The following MYG1 variants were observed in gnomAD, a reference collection of about 807,000 sequenced individuals.
MYG1 encodes the protein MYG1 exonuclease.
MYG1 carries 36 observed loss-of-function variants against 43.5 expected under a neutral mutation model. The observed-to-expected ratio is 0.83, with a 90% CI of 0.63 to 1.09. The LOEUF (loss-of-function observed/expected upper bound fraction) is 1.09. Ranked by LOEUF, MYG1 falls within the 50% of genes least tolerant of loss-of-function variation. The pLI is 0.00. For synonymous variants in MYG1, 220 were observed against 202.8 expected (o/e 1.08, Z -0.72); for missense variants, 529 against 495.1 (o/e 1.07, Z -0.65).
chr12:53,306,563 C>T, intron 5 of MYG1, 117 bp from the exon 6 acceptor site: 1 of 1,229,380 alleles, frequency 8.1e-7, no homozygotes. Flanking sequence ...AGGCTAGTCT[C>T]AAATTCCTGG....
Position 53,300,211 on chromosome 12 carries a change from A to G in MYG1, c.278A>G (p.Asp93Gly). Reference sequence around the variant, plus strand: ...CTCGCTTCCTGTGACATCGTGGTGGACGTGGGGGGCGAGTACGACCCTCGG... The same window carrying G: ...CTCGCTTCCTGTGACATCGTGGTGGGCGTGGGGGGCGAGTACGACCCTCGG... ...EKLASCDIVV[D>G]VGGEYDPRRH... is the part of the protein sequence containing the mutation. Residue 93 changes from aspartate (D) to glycine (G), a missense_variant, in exon 2 of 7, where the codon GAC becomes GGC. Coordinates refer to ENST00000267103, the MANE Select transcript of MYG1 (RefSeq NM_021640.4). 6.2e-7 allele frequency: 1 copy of G among 1,605,768 alleles called. No homozygotes were observed. The highest frequency in any genetic ancestry group is 8.5e-7 in the Non-Finnish European group (1 of 1,175,738).
intron 3 of MYG1, among the ~76,000 whole-genome samples, chr12:53,304,943 A>G (rs1417640824): frequency 4.9e-4 from 70 of 143,348 alleles, no homozygotes; most frequent in Admixed American, 1.2e-3. Context: ...ATCTCGGCTC[A>G]CTGCAAGCTG....
At position 53,306,780 on chromosome 12, in the gene MYG1, T is replaced by C. The variant is rs1181049320; in HGVS notation, c.866T>C (p.Ile289Thr). 1 of 1,614,004 alleles carries C rather than the reference T, an allele frequency of 6.2e-7. No individual in the cohort carries two copies. The highest frequency in any genetic ancestry group is 8.5e-7 in the Non-Finnish European group (1 of 1,180,038). Residue 289 changes from isoleucine (I) to threonine (T), a missense_variant, in exon 6 of 7, where the codon ATC (isoleucine) becomes ACC (threonine). Transcript: ENST00000267103. ...TCTGGGCTGTCCCCTCCAGTGGCCA[T>C]CTTCTTTGTTATCTACACTGACCAG... The part of the protein sequence containing the change: ...LESGLSPPVA[I>T]FFVIYTDQAG...
Position 53,303,084 on chromosome 12 carries a change from C to G in MYG1, c.380C>G (p.Thr127Ser), listed in dbSNP as rs1592507255. 6.2e-7 allele frequency: 1 copy of G among 1,613,956 alleles called. No homozygotes were observed. Among genetic ancestry groups the G allele is most frequent in the East Asian group, 2.2e-5 (1 of 44,844 alleles). The change falls in exon 3 of 7, where the codon ACC becomes AGC. Residue 127 changes from threonine to serine, a missense_variant. Thr to Ser is a moderately conservative substitution (Grantham distance 58). Coordinates refer to ENST00000267103, the MANE Select transcript of MYG1 (RefSeq NM_021640.4). ...SSLSPGKPWQ[T>S]KLSSAGLIYL... Reference sequence around the variant, plus strand: ...CTGTCCCCTGGGAAGCCGTGGCAGACCAAGCTGAGCAGTGCGGGACTCATC... The same window carrying G: ...CTGTCCCCTGGGAAGCCGTGGCAGAGCAAGCTGAGCAGTGCGGGACTCATC...
intron 2 of MYG1, among the ~76,000 whole-genome samples, chr12:53,301,806 A>G (rs1944234715): frequency 6.6e-6 from 1 of 151,692 alleles, no homozygotes; most frequent in South Asian, 2.1e-4. Context: ...CTCCTGCCTC[A>G]GCCTCCCAAG....
At chr12:53,303,542 C>G (rs1299447903) in intron 3 of MYG1, 3 of 201,322 alleles carry the variant, frequency 1.5e-5, no homozygotes, top group Non-Finnish European at 3.0e-5. Context: ...AAGCAGATGG[C>G]TCAGAGGTTC....
chr12:53,303,297 T>C, intron 3 of MYG1, 104 bp downstream of exon 3: 1 of 1,332,426 alleles, frequency 7.5e-7, no homozygotes, highest in South Asian at 1.4e-5. Flanking sequence ...TCAGGGTTCC[T>C]GGCCTATAGC....
chr12:53,306,614 G>A lies in MYG1; in HGVS notation c.766-66G>A, dbSNP rs1020782866. On this transcript the variant is annotated intron_variant, in intron 5 of 6. Transcript: ENST00000267103. ...CCACCTCAGCCTCCCAAAATGTTGT[G>A]ACTACAAACATGATCACCATGCCCA... 1.8e-5 allele frequency: 28 copies of A among 1,517,310 alleles called. No individual in the cohort carries two copies. In the Admixed American group the frequency reaches 5.2e-4, roughly 28 times the overall value. The allele number at this position is 1,517,310 out of a possible 1,614,324, so 94.0% of individuals were successfully genotyped here.
intron 3 of MYG1, among the ~76,000 whole-genome samples, chr12:53,304,954 C>T (rs939981911): frequency 4.9e-4 from 73 of 148,994 alleles, no homozygotes; most frequent in Non-Finnish European, 8.5e-4. Flanking sequence ...CTGCAAGCTG[C>T]GCCTCCCAGG....
intron 2 of MYG1, among the ~76,000 whole-genome samples, chr12:53,301,887 G>A (rs1222632649): frequency 6.6e-6 from 1 of 152,156 alleles, no homozygotes; most frequent in Non-Finnish European, 1.5e-5. Flanking sequence ...ATGTTGGCCA[G>A]TCTGGTCTTG....
At position 53,306,229 on chromosome 12, in the gene MYG1, A is replaced by C; in HGVS notation, c.674A>C (p.Gln225Pro). Residue 225 changes from glutamine (Q) to proline (P), a missense_variant, in exon 5 of 7, where the codon CAA (glutamine) becomes CCA (proline). By Grantham distance (76) the Gln-to-Pro change is moderately conservative (BLOSUM62 -1). Transcript: ENST00000267103. ...TTCAAGCGTGCAATGGATCTGGTTC[A>C]AGAGGAGTTTCTGCAGAGATTAGAT... ...AGFKRAMDLV[Q>P]EEFLQRLDFY... 6.2e-7 allele frequency: 1 copy of C among 1,614,250 alleles called. No homozygotes were observed. Among genetic ancestry groups the C allele is most frequent in the South Asian group, 1.1e-5 (1 of 91,086 alleles).
chr12:53,306,701 G>C lies in MYG1; in HGVS notation c.787G>C (p.Val263Leu). The change falls in exon 6 of 7, where the codon GTG (valine) becomes CTG (leucine). Residue 263 changes from valine to leucine, a missense_variant. Physicochemically the swap from Val to Leu is conservative, Grantham distance 32. Transcript: ENST00000267103. Reference protein sequence around the residue: ...RFQVDPSGEIVELAKGACPWK... With the variant: ...RFQVDPSGEILELAKGACPWK... ...TCAGGTGGACCCAAGTGGAGAGATT[G>C]TGGAACTGGCGAAAGGTGCATGTCC... 6.2e-7 allele frequency: 1 copy of C among 1,613,858 alleles called. No homozygotes were observed. Among genetic ancestry groups the C allele is most frequent in the East Asian group, 2.2e-5 (1 of 44,882 alleles).
intron 3 of MYG1, among the ~76,000 whole-genome samples, chr12:53,303,999 A>T (rs1165825439): frequency 6.6e-6 from 1 of 151,896 alleles, no homozygotes; most frequent in Non-Finnish European, 1.5e-5. Flanking sequence ...GCCCATCACC[A>T]TGCCCGGCTA....
At chr12:53,303,257 C>T in intron 3 of MYG1, 64 bp downstream of exon 3, 2 of 1,569,428 alleles carry the variant, frequency 1.3e-6, no homozygotes, top group Non-Finnish European at 1.7e-6. Flanking sequence ...GGGAGCAGTG[C>T]TCACACAGCA....
rs1336503995 is a variant in MYG1, at chr12:53,307,105, C to T, written c.1087C>T (p.Arg363Cys). Residue 363 changes from arginine to cysteine, a missense_variant, in exon 7 of 7, where the codon CGT becomes TGT. Transcript: ENST00000267103. ...HTREGALSMA[R>C]ATLAQRSYLP... is the part of the protein sequence containing the mutation. ...CCGAGAGGGTGCCTTGAGCATGGCC[C>T]GTGCCACCTTGGCCCAGCGCTCATA... 3.1e-6 allele frequency: 5 copies of T among 1,613,818 alleles called. No homozygotes were observed. Among genetic ancestry groups the T allele is most frequent in the Non-Finnish European group, 3.4e-6 (4 of 1,179,874 alleles).
chr12:53,300,046 G>A (rs1944213716), intron 1 of MYG1, 93 bp downstream of exon 1: 2 of 1,548,976 alleles, frequency 1.3e-6, no homozygotes, highest in Non-Finnish European at 1.8e-6. Flanking sequence ...GATAGCGCCC[G>A]GCAGCCCAAG....
chr12:53,303,121 C>T lies in MYG1; in HGVS notation c.417C>T (p.Phe139=), dbSNP rs760816026. The change falls in exon 3 of 7, where the codon TTC becomes TTT. Residue 139 remains phenylalanine, a synonymous_variant. Transcript: ENST00000267103. Reference sequence around the variant, plus strand: ...GTGCGGGACTCATCTATCTGCACTTCGGGCACAAGCTGCTGGCCCAGTTGC... The same window carrying T: ...GTGCGGGACTCATCTATCTGCACTTTGGGCACAAGCTGCTGGCCCAGTTGC... The part of the protein sequence containing the change: ...LSSAGLIYLH[F]GHKLLAQLLG... 73 of 1,614,076 alleles carry T rather than the reference C, an allele frequency of 4.5e-5. No individual in the cohort carries two copies. The highest frequency in any genetic ancestry group is 6.7e-5 in the Admixed American group (4 of 60,004).
chr12:53,300,485 TATCTC>T (rs1944220783), intron 2 of MYG1, among the ~76,000 whole-genome samples: 3 of 152,046 alleles, frequency 2.0e-5, no homozygotes, highest in African/African-American at 7.2e-5. Flanking sequence ...TCAGGCCCCT[TATCTC>T]ATCTCCTTCC....
At chr12:53,300,392 T>C in intron 2 of MYG1, 130 bp downstream of exon 2, 1 of 669,074 alleles carries the variant, frequency 1.5e-6, no homozygotes, top group South Asian at 2.2e-5. Flanking sequence ...AAACTCCCAC[T>C]AGGACTACAT....
Sources: gnomAD v4.1 joint callset for allele counts (sites outside exome capture counted in the v4.1 genomes callset) on GRCh38, gnomAD v4.1.1 for gene constraint, MANE v1.5 for transcripts, NCBI Gene and HGNC (gene_info 2026-07-23, HGNC 2026-07-21) for gene names.